The following SAA4 variants were observed in gnomAD, a reference collection of about 807,000 sequenced individuals.
SAA4 encodes serum amyloid A-4 protein.
SAA4 carries 8 observed loss-of-function variants against 11.2 expected under a neutral mutation model. The observed-to-expected ratio is 0.71, with a 90% CI of 0.42 to 1.29. SAA4 has a LOEUF of 1.29. Ranked by LOEUF, SAA4 falls within the 50% of genes most tolerant of loss-of-function variation. SAA4 has a pLI of 0.01. For missense variants in SAA4, 171 were observed against 164.2 expected (o/e 1.04, Z -0.23); for synonymous variants, 60 against 56.2 (o/e 1.07, Z -0.30).
At chr11:18,231,961 C>T (rs1461905520) in intron 3 of SAA4, among the ~76,000 whole-genome samples, 4 of 146,484 alleles carry the variant, frequency 2.7e-5, no homozygotes, top group South Asian at 2.2e-4. Flanking sequence ...TGGGTCACTG[C>T]AGCCTCGACC....
chr11:18,232,162 T>C (rs919401883), intron 3 of SAA4, among the ~76,000 whole-genome samples: 1 of 101,388 alleles, frequency 9.9e-6, no homozygotes, highest in Non-Finnish European at 2.2e-5. Context: ...GAATTACAGG[T>C]GTGAGCCCCT....
At position 18,231,428 on chromosome 11, in the gene SAA4, C is replaced by T; in HGVS notation, c.*74G>A. 1.3e-6 allele frequency: 2 copies of T among 1,562,884 alleles called. No homozygotes were observed. The highest frequency in any genetic ancestry group is 1.7e-6 in the Non-Finnish European group (2 of 1,158,396). On this transcript the variant is annotated 3_prime_UTR_variant, in exon 4 of 4. Transcript: ENST00000278222. ...TTCCTGGGGACACAAAGCTCAGTGA[C>T]CCTGTGTCCCTGTCTGGGGGGAGAA...
At chr11:18,232,243 G>A (rs553578991) in intron 3 of SAA4, 152 bp downstream of exon 3, 2 of 1,186,378 alleles carry the variant, frequency 1.7e-6, no homozygotes, top group East Asian at 2.4e-5. Flanking sequence ...TGGGTGAAAG[G>A]AGACATGTCT....
intron 2 of SAA4, 97 bp from the exon 3 acceptor site, chr11:18,232,630 C>A: frequency 2.0e-6 from 3 of 1,509,516 alleles, no homozygotes; most frequent in Non-Finnish European, 2.7e-6. Flanking sequence ...TGGCCCTTGA[C>A]AAAATAATCC....
intron 2 of SAA4, 68 bp downstream of exon 2, chr11:18,235,768 C>A: frequency 6.8e-7 from 1 of 1,478,094 alleles, no homozygotes; most frequent in Non-Finnish European, 9.3e-7. Flanking sequence ...CACTCACATC[C>A]AGTGAGTATG....
chr11:18,234,416 T>G (rs1468548703), intron 2 of SAA4, among the ~76,000 whole-genome samples: 1 of 152,254 alleles, frequency 6.6e-6, no homozygotes, highest in Non-Finnish European at 1.5e-5. Context: ...ATGTAAGTTA[T>G]ATATCATTTT....
chr11:18,232,795 T>C (rs559327292), intron 2 of SAA4, among the ~76,000 whole-genome samples: 178 of 152,196 alleles, frequency 1.2e-3, no homozygotes, highest in African/African-American at 4.0e-3. Context: ...GTGTGCTGTG[T>C]ACAAAGAGGG....
At chr11:18,235,356 T>C (rs1167590452) in intron 2 of SAA4, among the ~76,000 whole-genome samples, 1 of 24,622 alleles carries the variant, frequency 4.1e-5, no homozygotes, top group Non-Finnish European at 2.9e-4. Context: ...AATTTGCTCT[T>C]TTTATTTATG....
In SAA4 at chr11:18,232,541, G is replaced by A. The variant is rs1554916929; in HGVS notation, c.92-8C>T. On this transcript the variant is annotated splice_region_variant and splice_polypyrimidine_tract_variant and intron_variant, in intron 2 of 3. Coordinates refer to ENST00000278222, the MANE Select transcript of SAA4 (RefSeq NM_006512.4). ...TGCCCATGTCCCCAACCCCTGGAAA[G>A]AAAAAAAATGACAAAAATGAACCCA... 6.2e-6 allele frequency: 10 copies of A among 1,600,088 alleles called. No homozygotes were observed. Among genetic ancestry groups the A allele is most frequent in the Admixed American group, 5.3e-5 (3 of 56,848 alleles).
chr11:18,232,675 T>C lies in SAA4; in HGVS notation c.92-142A>G, dbSNP rs1384052973. The C allele has an allele frequency of 5.6e-6, 7 of 1,241,076 alleles. No individual in the cohort carries two copies. In the Admixed American group the frequency reaches 1.0e-4, roughly 18 times the overall value. The allele number at this position is 1,241,076 out of a possible 1,614,324, so 76.9% of individuals were successfully genotyped here. A position where few individuals can be genotyped will look rare whatever the true frequency, so the allele number is the denominator to read the frequency against. ...ATACGTGGAGATAAACATTACTTCC[T>C]GTGAACAGCTTCCCTGAGTAACTGT... On this transcript the variant is annotated intron_variant, in intron 2 of 3. Transcript: ENST00000278222.
intron 2 of SAA4, among the ~76,000 whole-genome samples, chr11:18,233,433 G>C (rs1337220573): frequency 1.3e-5 from 2 of 152,200 alleles, no homozygotes; most frequent in African/African-American, 4.8e-5. Flanking sequence ...CCAACAGAAT[G>C]ATAAAAATTT....
intron 2 of SAA4, 110 bp downstream of exon 2, chr11:18,235,726 T>G: frequency 9.4e-7 from 1 of 1,060,886 alleles, no homozygotes; most frequent in South Asian, 1.6e-5. Context: ...ACCACACTCC[T>G]GCTCTGACCT....
At chr11:18,236,536 C>T (rs1857217075) in intron 1 of SAA4, among the ~76,000 whole-genome samples, 181 bp downstream of exon 1, 3 of 152,198 alleles carry the variant, frequency 2.0e-5, no homozygotes, top group Admixed American at 2.0e-4. Context: ...GTCAATTTGT[C>T]ACCCAATACA....
intron 3 of SAA4, 146 bp from the exon 4 acceptor site, chr11:18,231,810 C>G: frequency 9.9e-7 from 1 of 1,010,782 alleles, no homozygotes; most frequent in Non-Finnish European, 1.4e-6. Flanking sequence ...GGGAAGAAAA[C>G]TATCAATCTT....
In SAA4 at chr11:18,235,932, T is replaced by G. The variant is rs1490166399; in HGVS notation, c.-4-2A>C. Reference sequence around the variant, plus strand: ...ATGCCTGTGAAAAGCCTCATTGTGCTGAAGAGAAAGAAAGACAGGGGCAGA... The same window carrying G: ...ATGCCTGTGAAAAGCCTCATTGTGCGGAAGAGAAAGAAAGACAGGGGCAGA... On this transcript the variant is annotated splice_acceptor_variant, in intron 1 of 3. Transcript: ENST00000278222. LOFTEE classifies it low-confidence loss of function (5UTR_SPLICE). 1 of 1,608,530 alleles carries G rather than the reference T, an allele frequency of 6.2e-7. No individual in the cohort carries two copies. The highest frequency in any genetic ancestry group is 1.1e-5 in the South Asian group (1 of 90,254).
intron 2 of SAA4, among the ~76,000 whole-genome samples, chr11:18,235,216 A>C (rs1857191566): frequency 6.6e-6 from 1 of 152,262 alleles, no homozygotes; most frequent in Non-Finnish European, 1.5e-5. Context: ...ATGAAGTTCA[A>C]AGTATTGCAT....
intron 3 of SAA4, 75 bp downstream of exon 3, chr11:18,232,320 C>T (rs1480671770): frequency 6.4e-7 from 1 of 1,560,822 alleles, no homozygotes; most frequent in Admixed American, 1.8e-5. Flanking sequence ...GGGGAAAGAG[C>T]CACAGGTTCT....
chr11:18,235,706 G>T, intron 2 of SAA4, 130 bp downstream of exon 2: 1 of 846,668 alleles, frequency 1.2e-6, no homozygotes, highest in Non-Finnish European at 1.8e-6. Flanking sequence ...GGAAGAAACA[G>T]ATACAGAAAA....
At chr11:18,232,142 CAA>C (rs763847642) in intron 3 of SAA4, among the ~76,000 whole-genome samples, 1 of 149,282 alleles carries the variant, frequency 6.7e-6, no homozygotes, top group Non-Finnish European at 1.5e-5. Flanking sequence ...CTTGTCCTCC[CAA>C]AGAGTTGGAA....
Sources: allele counts gnomAD v4.1 joint callset (sites outside exome capture counted in the v4.1 genomes callset), GRCh38; gene constraint gnomAD v4.1.1; transcripts MANE v1.5; gene names NCBI Gene and HGNC (gene_info 2026-07-23, HGNC 2026-07-21).